Variants in HMGA2 observed in about 807,000 individuals in gnomAD.
HMGA2 encodes the protein high mobility group protein HMGI-C.
HMGA2 carries 8 observed loss-of-function variants against 19.1 expected under a neutral mutation model. The observed-to-expected ratio is 0.42, with a 90% CI of 0.25 to 0.76. The LOEUF (loss-of-function observed/expected upper bound fraction) is 0.76. HMGA2 is among the 30% of genes least tolerant of loss of function. The probability of loss-of-function intolerance (pLI) is 0.28; values close to 1 mark genes in which losing one functional copy is unlikely to be tolerated. For missense variants in HMGA2, 109 were observed against 136.3 expected, an observed-to-expected ratio of 0.80 and a Z score of 1.00; for synonymous variants, 60 against 48.8, an observed-to-expected ratio of 1.23 and a Z score of -0.96.
chr12:65,927,882 A>C (rs1875567168), intron 3 of HMGA2, among the ~76,000 whole-genome samples: 1 of 148,754 alleles, frequency 6.7e-6, no homozygotes, highest in African/African-American at 2.5e-5. Flanking sequence ...GTATGTATAT[A>C]TAAAATATGT....
intron 3 of HMGA2, among the ~76,000 whole-genome samples, chr12:65,924,251 A>G (rs927415074): frequency 6.6e-6 from 1 of 152,188 alleles, no homozygotes; most frequent in African/African-American, 2.4e-5. Context: ...AATTATTTTA[A>G]TATTTCTTCA....
intron 3 of HMGA2, among the ~76,000 whole-genome samples, chr12:65,884,058 A>G (rs1314398249): frequency 6.6e-6 from 1 of 151,966 alleles, no homozygotes; most frequent in African/African-American, 2.4e-5. Context: ...TAGAGATGAG[A>G]TTTTGCCATG....
intron 3 of HMGA2, among the ~76,000 whole-genome samples, chr12:65,912,905 T>TATAA (rs1874906873): frequency 6.6e-6 from 1 of 152,172 alleles, no homozygotes; most frequent in African/African-American, 2.4e-5. Context: ...AAAGTTAAAA[T>TATAA]AGAAACTGTT....
intron 3 of HMGA2, among the ~76,000 whole-genome samples, chr12:65,911,009 G>A (rs984725288): frequency 3.9e-5 from 6 of 152,136 alleles, no homozygotes; most frequent in Non-Finnish European, 7.4e-5. Context: ...CAGCACTAGA[G>A]CCCCCACAGA....
intron 3 of HMGA2, chr12:65,866,791 C>G: frequency 2.2e-6 from 1 of 456,414 alleles, no homozygotes; most frequent in South Asian, 1.6e-5. Flanking sequence ...AAAAAAAAAT[C>G]ACTAACACTT....
intron 3 of HMGA2, among the ~76,000 whole-genome samples, chr12:65,912,887 A>G (rs994488040): frequency 6.6e-6 from 1 of 152,216 alleles, no homozygotes; most frequent in Non-Finnish European, 1.5e-5. Context: ...ATTCATCTAT[A>G]TAAATATAAA....
chr12:65,874,371 A>C (rs1417133404), intron 3 of HMGA2, among the ~76,000 whole-genome samples: 1 of 152,130 alleles, frequency 6.6e-6, no homozygotes, highest in East Asian at 1.9e-4. Context: ...TTGAGTGAAA[A>C]TATATATAAA....
At chr12:65,926,996 T>C (rs886081062) in intron 3 of HMGA2, among the ~76,000 whole-genome samples, 1 of 152,182 alleles carries the variant, frequency 6.6e-6, no homozygotes, top group Non-Finnish European at 1.5e-5. Context: ...GAGGAGGGTA[T>C]ATCATTGGAG....
At chr12:65,951,467 A>G (rs559992742) in intron 4 of HMGA2, 52 bp downstream of exon 4, 1 of 1,157,760 alleles carries the variant, frequency 8.6e-7, no homozygotes, top group Admixed American at 2.1e-5. Context: ...AAAGTGAAAT[A>G]TGTACTGAAA....
chr12:65,827,882 C>T (rs1158683963), intron 1 of HMGA2, 119 bp from the exon 2 acceptor site: 4 of 744,780 alleles, frequency 5.4e-6, no homozygotes, highest in Non-Finnish European at 9.9e-6. Flanking sequence ...TATGCTTGAA[C>T]TGAACGTGTT....
intron 3 of HMGA2, chr12:65,842,494 C>A: frequency 1.1e-6 from 1 of 945,932 alleles, no homozygotes; most frequent in South Asian, 1.5e-5. Context: ...TTGACAGTAT[C>A]ATTATGTCCT....
chr12:65,923,089 C>G (rs1875375962), intron 3 of HMGA2, among the ~76,000 whole-genome samples: 1 of 152,124 alleles, frequency 6.6e-6, no homozygotes, highest in African/African-American at 2.4e-5. Flanking sequence ...CATTGCCTGA[C>G]CATTTCCCTA....
At chr12:65,931,367 A>G (rs1875703511) in intron 3 of HMGA2, among the ~76,000 whole-genome samples, 1 of 152,182 alleles carries the variant, frequency 6.6e-6, no homozygotes, top group Non-Finnish European at 1.5e-5. Context: ...TTTAAATACC[A>G]TTCACATTTT....
chr12:65,863,682 A>G (rs189285653), intron 3 of HMGA2, among the ~76,000 whole-genome samples: 1 of 152,250 alleles, frequency 6.6e-6, no homozygotes, highest in Non-Finnish European at 1.5e-5. Flanking sequence ...TCCCATGGAC[A>G]GGATCTTGGA....
chr12:65,898,912 C>G (rs557890612), intron 3 of HMGA2, among the ~76,000 whole-genome samples: 1 of 151,870 alleles, frequency 6.6e-6, no homozygotes, highest in East Asian at 1.9e-4. Flanking sequence ...GGCGTGGTGG[C>G]GGGCGCCTGT....
At chr12:65,861,925 A>C (rs912493117) in intron 3 of HMGA2, among the ~76,000 whole-genome samples, 2 of 151,576 alleles carry the variant, frequency 1.3e-5, no homozygotes, top group Non-Finnish European at 2.9e-5. Flanking sequence ...GCTCACTGCA[A>C]CCTCTGCCTC....
At chr12:65,854,252 G>A (rs1871617346) in intron 3 of HMGA2, among the ~76,000 whole-genome samples, 1 of 152,154 alleles carries the variant, frequency 6.6e-6, no homozygotes, top group Non-Finnish European at 1.5e-5. Flanking sequence ...CATTTTGATA[G>A]CCTTACACAT....
chr12:65,826,813 A>C (rs1007243144), intron 1 of HMGA2: 3 of 151,248 alleles, frequency 2.0e-5, no homozygotes, highest in Non-Finnish European at 1.5e-5. Context: ...AGAAATTACA[A>C]TGGGGTCTGG....
intron 3 of HMGA2, among the ~76,000 whole-genome samples, chr12:65,861,153 G>A (rs1872042507): frequency 6.6e-6 from 1 of 152,206 alleles, no homozygotes; most frequent in Non-Finnish European, 1.5e-5. Context: ...GGATCACGAG[G>A]TCTGGAGTTC....
Sources: gnomAD v4.1 joint callset for allele counts (sites outside exome capture counted in the v4.1 genomes callset) on GRCh38, gnomAD v4.1.1 for gene constraint, MANE v1.5 for transcripts, NCBI Gene and HGNC (gene_info 2026-07-23, HGNC 2026-07-21) for gene names.